Variants in UBE2Q2 observed in about 807,000 individuals in gnomAD.
The protein encoded by UBE2Q2 is ubiquitin conjugating enzyme E2 Q2, also known as ubiquitin-conjugating enzyme E2 Q2.
In UBE2Q2, 54 loss-of-function variants were observed where a neutral mutation model predicts 59.9. The observed-to-expected ratio is 0.90, with a 90% CI of 0.72 to 1.13. UBE2Q2 has a LOEUF of 1.13. Ranked by LOEUF, UBE2Q2 falls within the 50% of genes most tolerant of loss-of-function variation. UBE2Q2 has a pLI of 0.00. For synonymous variants in UBE2Q2, 165 were observed against 155.2 expected (o/e 1.06, Z -0.47); for missense variants, 433 against 441.9 (o/e 0.98, Z 0.18).
intron 2 of UBE2Q2, among the ~76,000 whole-genome samples, chr15:75,858,855 C>T (rs544263633): frequency 2.7e-4 from 41 of 152,310 alleles, no homozygotes; most frequent in South Asian, 2.1e-3. Flanking sequence ...TTTGTTGGAT[C>T]GTAATTTACC....
chr15:75,844,436 C>T, intron 1 of UBE2Q2: 1 of 1,551,592 alleles, frequency 6.4e-7, no homozygotes. Flanking sequence ...CCGGGCCTGG[C>T]TGCGCGCTGC....
At chr15:75,856,246 C>CAT (rs1555418769) in intron 2 of UBE2Q2, among the ~76,000 whole-genome samples, 4,141 of 135,008 alleles carry the variant, frequency 0.031, 271 homozygotes, top group African/African-American at 0.12. Context: ...TGTGTATATA[C>CAT]GTGTGTGTGT....
rs1899708836 is a variant in UBE2Q2, at chr15:75,900,718, T to A, written c.*1260T>A. ...TACATTGTGTGTGTTTAATTTCTTT[T>A]GATTCCATTTTGGTTAAGAGAGCAG... is the stretch of plus-strand genomic sequence containing the variant. On this transcript the variant is annotated 3_prime_UTR_variant, in exon 13 of 13. Coordinates refer to ENST00000267938, the MANE Select transcript of UBE2Q2 (RefSeq NM_173469.4). 1 of 152,668 alleles carries A rather than the reference T, an allele frequency of 6.6e-6. No individual in the cohort carries two copies. The highest frequency in any genetic ancestry group is 2.1e-4 in the South Asian group (1 of 4,832). The allele number at this position is 152,668 out of a possible 1,614,324, so 9.5% of individuals were successfully genotyped here.
chr15:75,850,824 G>C (rs953691267), intron 1 of UBE2Q2, among the ~76,000 whole-genome samples: 2 of 152,136 alleles, frequency 1.3e-5, no homozygotes. Flanking sequence ...TGTAAGTTAC[G>C]TCTATTGGTA....
Position 75,897,007 on chromosome 15 carries a change from C to A in UBE2Q2, c.1042C>A (p.Leu348Ile). ...AATTCTCTTTCAGAATCAATATAAT[C>A]TAGCAAGAGCCCAACAATCCTATAA... is the stretch of plus-strand genomic sequence containing the variant. ...QFGANKNQYN[L>I]ARAQQSYNSI... The change falls in exon 12 of 13, where the codon CTA (leucine) becomes ATA (isoleucine). Residue 348 changes from leucine to isoleucine, a missense_variant. Transcript: ENST00000267938. 6.4e-7 allele frequency: 1 copy of A among 1,564,902 alleles called. No individual in the cohort carries two copies. Among genetic ancestry groups the A allele is most frequent in the Non-Finnish European group, 8.7e-7 (1 of 1,151,750 alleles).
chr15:75,867,872 T>C (rs1221526257), intron 3 of UBE2Q2, among the ~76,000 whole-genome samples: 1 of 152,206 alleles, frequency 6.6e-6, no homozygotes, highest in Non-Finnish European at 1.5e-5. Flanking sequence ...ATAGTTTGAT[T>C]TGGAATATAA....
chr15:75,869,012 T>C lies in UBE2Q2; in HGVS notation c.447+2T>C. 6.2e-7 allele frequency: 1 copy of C among 1,609,922 alleles called. No individual in the cohort carries two copies. Among genetic ancestry groups the C allele is most frequent in the Non-Finnish European group, 8.5e-7 (1 of 1,177,150 alleles). Reference sequence around the variant, plus strand: ...GAAGAAGAAGAAGAGATGGCTGAAGTAGGTATTTTATATAAAAGAAGAGTT... The same window carrying C: ...GAAGAAGAAGAAGAGATGGCTGAAGCAGGTATTTTATATAAAAGAAGAGTT... On this transcript the variant is annotated splice_donor_variant, in intron 4 of 12. Coordinates refer to ENST00000267938, the MANE Select transcript of UBE2Q2 (RefSeq NM_173469.4). LOFTEE classifies it high-confidence loss of function.
At chr15:75,850,085 A>G (rs1200218409) in intron 1 of UBE2Q2, among the ~76,000 whole-genome samples, 2 of 152,240 alleles carry the variant, frequency 1.3e-5, no homozygotes, top group African/African-American at 4.8e-5. Context: ...CTTTCAAAGT[A>G]GATTCTCTCT....
At chr15:75,860,069 C>T (rs1383958245) in intron 3 of UBE2Q2, 87 bp downstream of exon 3, 1 of 941,568 alleles carries the variant, frequency 1.1e-6, no homozygotes, top group South Asian at 1.6e-5. Context: ...TTTTATTGTT[C>T]AACTTATTTA....
chr15:75,882,766 T>A (rs1048215282), intron 8 of UBE2Q2, among the ~76,000 whole-genome samples: 52 of 152,258 alleles, frequency 3.4e-4, no homozygotes, highest in African/African-American at 1.1e-3. Context: ...AAAAATGAGA[T>A]GATTAAAGCT....
chr15:75,844,136 G>A lies in UBE2Q2; in HGVS notation c.180+290G>A, dbSNP rs1386611062. 2.8e-6 allele frequency: 4 copies of A among 1,420,008 alleles called. No homozygotes were observed. The Admixed American group carries it at 1.2e-4, about 41-fold the overall frequency. The allele number at this position is 1,420,008 out of a possible 1,614,324, so 88.0% of individuals were successfully genotyped here. A position where few individuals can be genotyped will look rare whatever the true frequency, so the allele number is the denominator to read the frequency against. On this transcript the variant is annotated intron_variant, in intron 1 of 12. Coordinates refer to ENST00000267938, the MANE Select transcript of UBE2Q2 (RefSeq NM_173469.4). The stretch of plus-strand genomic sequence containing the variant: ...AGCCCCGAGGGGGGAGTCCGCGGCG[G>A]CCCAAGCCCTTGTGGGGTCCATGGC...
At chr15:75,868,847 C>A in intron 3 of UBE2Q2, 104 bp from the exon 4 acceptor site, 1 of 891,650 alleles carries the variant, frequency 1.1e-6, no homozygotes, top group Non-Finnish European at 1.8e-6. Context: ...GGTAGTGGGA[C>A]TCCAGTGACA....
At chr15:75,888,779 T>C (rs1194597024) in intron 9 of UBE2Q2, among the ~76,000 whole-genome samples, 9 of 152,222 alleles carry the variant, frequency 5.9e-5, no homozygotes, top group Non-Finnish European at 4.4e-5. Context: ...TGTGTAGTTA[T>C]TACGTACTTG....
intron 12 of UBE2Q2, among the ~76,000 whole-genome samples, chr15:75,898,239 G>A (rs1899542060): frequency 6.6e-6 from 1 of 151,996 alleles, no homozygotes; most frequent in Admixed American, 6.6e-5. Context: ...ATTACAACTG[G>A]CATTCAAAAA....
intron 11 of UBE2Q2, among the ~76,000 whole-genome samples, chr15:75,891,853 G>A (rs991603532): frequency 1.3e-5 from 2 of 152,152 alleles, no homozygotes; most frequent in Admixed American, 1.3e-4. Context: ...GCAAGATGGT[G>A]CTTTATGAAG....
Position 75,878,046 on chromosome 15 carries a change from C to T in UBE2Q2, c.734+25C>T, listed in dbSNP as rs1045391227. On this transcript the variant is annotated intron_variant, in intron 7 of 12. Coordinates refer to ENST00000267938, the MANE Select transcript of UBE2Q2 (RefSeq NM_173469.4). Reference sequence around the variant, plus strand: ...AGTAAGTGGCTTTTTAATGCTCACCCACTCTTTGCAATGGTAGACTATCAC... The same window carrying T: ...AGTAAGTGGCTTTTTAATGCTCACCTACTCTTTGCAATGGTAGACTATCAC... The T allele has an allele frequency of 1.9e-6, 3 of 1,602,054 alleles. No individual in the cohort carries two copies. In the Admixed American group the frequency reaches 5.0e-5, roughly 27 times the overall value.
intron 1 of UBE2Q2, among the ~76,000 whole-genome samples, chr15:75,852,746 A>G (rs1169867131): frequency 6.6e-6 from 1 of 152,236 alleles, no homozygotes; most frequent in Admixed American, 6.5e-5. Context: ...AAGTGGTGTT[A>G]AGAACAGGAT....
At chr15:75,895,689 A>G (rs1307368175) in intron 11 of UBE2Q2, among the ~76,000 whole-genome samples, 2 of 152,114 alleles carry the variant, frequency 1.3e-5, no homozygotes, top group Non-Finnish European at 2.9e-5. Context: ...TCAAAACTAT[A>G]CTGGGAGTCC....
intron 9 of UBE2Q2, among the ~76,000 whole-genome samples, chr15:75,887,975 C>T (rs1898881588): frequency 6.6e-6 from 1 of 152,194 alleles, no homozygotes; most frequent in East Asian, 1.9e-4. Context: ...TTGTGTGATT[C>T]TAGATAGATT....
Sources: gnomAD v4.1 joint callset for allele counts (sites outside exome capture counted in the v4.1 genomes callset) on GRCh38, gnomAD v4.1.1 for gene constraint, MANE v1.5 for transcripts, NCBI Gene and HGNC (gene_info 2026-07-23, HGNC 2026-07-21) for gene names.